DOCK4: variants seen among roughly 807,000 people sequenced by gnomAD.
DOCK4 encodes dedicator of cytokinesis 4.
Under a neutral mutation model 268.1 loss-of-function variants are expected in DOCK4, and 97 were observed. That is an observed-to-expected ratio of 0.36 (90% CI 0.31 to 0.43). DOCK4 has a LOEUF of 0.43. DOCK4 is among the 20% of genes least tolerant of loss of function. DOCK4 has a pLI of 1.00. For missense variants in DOCK4, 2,145 were observed against 2,455.7 expected, an observed-to-expected ratio of 0.87 and a Z score of 2.67; for synonymous variants, 954 against 887.2, an observed-to-expected ratio of 1.08 and a Z score of -1.34.
intron 4 of DOCK4, among the ~76,000 whole-genome samples, chr7:111,998,129 G>A (rs1800114764): frequency 6.6e-6 from 1 of 152,050 alleles, no homozygotes; most frequent in Admixed American, 6.6e-5. Context: ...GCATTTAATG[G>A]GTCTGACTGA....
intron 1 of DOCK4, among the ~76,000 whole-genome samples, chr7:112,185,365 G>A (rs965228696): frequency 6.6e-6 from 1 of 152,084 alleles, no homozygotes; most frequent in Non-Finnish European, 1.5e-5. Context: ...AAATAGCACT[G>A]GTCACTTAAT....
In DOCK4 at chr7:111,914,568, G is replaced by A. The variant is rs143837219; in HGVS notation, c.1192+1211C>T. ...TCAAACAAGCCACGATTCTATGGCT[G>A]CAGGACCACTGCCCTTATTGTTGCT... On this transcript the variant is annotated intron_variant, in intron 13 of 52. Coordinates refer to ENST00000428084, the MANE Select transcript of DOCK4 (RefSeq NM_001363540.2). Among the ~76,000 whole-genome samples the A allele has an allele frequency of 7.4e-3, 1,133 of 152,250 alleles. 5 individuals carry two copies. The highest frequency in any genetic ancestry group is 0.013 in the Admixed American group (196 of 15,288).
intron 1 of DOCK4, among the ~76,000 whole-genome samples, chr7:112,146,913 C>T (rs1335057906): frequency 6.6e-6 from 1 of 151,922 alleles, no homozygotes; most frequent in Admixed American, 6.6e-5. Context: ...CTAGGGAAAC[C>T]AGTAATGCAA....
At chr7:111,790,799 C>T (rs2133804767) in intron 30 of DOCK4, among the ~76,000 whole-genome samples, 194 bp from the exon 31 acceptor site, 1 of 152,042 alleles carries the variant, frequency 6.6e-6, no homozygotes, top group South Asian at 2.1e-4. Flanking sequence ...GTGGCTCACG[C>T]CTGTAATCCC....
intron 1 of DOCK4, among the ~76,000 whole-genome samples, chr7:112,188,693 G>T (rs1819667350): frequency 6.6e-6 from 1 of 152,154 alleles, no homozygotes; most frequent in Non-Finnish European, 1.5e-5. Context: ...AATCTAGGTA[G>T]TAACTTCAAA....
intron 30 of DOCK4, among the ~76,000 whole-genome samples, chr7:111,802,056 C>T (rs777613144): frequency 2.6e-5 from 4 of 152,032 alleles, no homozygotes; most frequent in Non-Finnish European, 4.4e-5. Context: ...CATAGCTCTC[C>T]CTATATTTTC....
chr7:111,935,023 T>G (rs1307513798), intron 12 of DOCK4, among the ~76,000 whole-genome samples: 1 of 151,542 alleles, frequency 6.6e-6, no homozygotes, highest in East Asian at 1.9e-4. Context: ...CTCAGCTCAC[T>G]GCAACATCCG....
chr7:111,868,333 C>G (rs1806141571), intron 21 of DOCK4, among the ~76,000 whole-genome samples, 179 bp from the exon 22 acceptor site: 1 of 152,070 alleles, frequency 6.6e-6, no homozygotes. Context: ...CCACTTTTCT[C>G]TGATGCCTAA....
chr7:112,079,614 A>G (rs1156640587), intron 1 of DOCK4, among the ~76,000 whole-genome samples: 2 of 152,202 alleles, frequency 1.3e-5, no homozygotes, highest in Non-Finnish European at 2.9e-5. Context: ...GAAATGGTAG[A>G]AGGAATTGGG....
intron 12 of DOCK4, among the ~76,000 whole-genome samples, chr7:111,916,843 T>C (rs1792628342): frequency 6.6e-6 from 1 of 152,064 alleles, no homozygotes; most frequent in Non-Finnish European, 1.5e-5. Context: ...TATTGTGGAA[T>C]AGGTGGTATT....
At chr7:112,042,203 C>T (rs1000028308) in intron 1 of DOCK4, among the ~76,000 whole-genome samples, 5 of 152,078 alleles carry the variant, frequency 3.3e-5, no homozygotes, top group African/African-American at 7.2e-5. Flanking sequence ...ATCTGCAAGG[C>T]GACAGAGTTA....
chr7:111,790,777 C>T (rs1245892174), intron 30 of DOCK4, among the ~76,000 whole-genome samples, 172 bp from the exon 31 acceptor site: 3 of 151,836 alleles, frequency 2.0e-5, no homozygotes, highest in East Asian at 1.9e-4. Flanking sequence ...TTATATAAAT[C>T]GGCTGGGTGC....
intron 42 of DOCK4, among the ~76,000 whole-genome samples, chr7:111,752,690 G>A (rs1300905510): frequency 1.4e-5 from 2 of 147,376 alleles, no homozygotes; most frequent in South Asian, 2.2e-4. Flanking sequence ...CGGTTCAAGC[G>A]ATTCTCCTGC....
Position 111,844,760 on chromosome 7 carries a change from T to C in DOCK4, c.2736+3A>G. 5 of 1,612,698 alleles carry C rather than the reference T, an allele frequency of 3.1e-6. No individual in the cohort carries two copies. The highest frequency in any genetic ancestry group is 4.2e-6 in the Non-Finnish European group (5 of 1,179,308). On this transcript the variant is annotated splice_donor_region_variant and intron_variant, in intron 25 of 52. Coordinates refer to ENST00000428084, the MANE Select transcript of DOCK4 (RefSeq NM_001363540.2). ...CCACGTGCCATCTGCTCTATGATCT[T>C]ACAGTGACATCCTGGAACTGGAACC...
intron 49 of DOCK4, 124 bp from the exon 50 acceptor site, chr7:111,737,113 G>A (rs948983081): frequency 1.5e-5 from 11 of 753,246 alleles, no homozygotes; most frequent in Middle Eastern, 2.9e-4. Flanking sequence ...GTGATATGAT[G>A]AGCCTAGGAA....
chr7:112,075,777 T>C (rs1285598692), intron 1 of DOCK4, among the ~76,000 whole-genome samples: 1 of 151,916 alleles, frequency 6.6e-6, no homozygotes, highest in Non-Finnish European at 1.5e-5. Flanking sequence ...ACTTTGTCCT[T>C]ATTTAAAAAA....
chr7:112,101,588 G>A (rs973261984), intron 1 of DOCK4, among the ~76,000 whole-genome samples: 2 of 152,146 alleles, frequency 1.3e-5, no homozygotes, highest in Non-Finnish European at 2.9e-5. Context: ...TCCACACAGT[G>A]AAGCCCCTCA....
intron 8 of DOCK4, 112 bp downstream of exon 8, chr7:111,977,020 T>C: frequency 7.9e-7 from 1 of 1,273,444 alleles, no homozygotes; most frequent in Non-Finnish European, 1.1e-6. Flanking sequence ...GTGAGAAAAT[T>C]GAAGCTGACG....
At chr7:112,134,536 G>C (rs1263366205) in intron 1 of DOCK4, among the ~76,000 whole-genome samples, 1 of 149,366 alleles carries the variant, frequency 6.7e-6, no homozygotes, top group Non-Finnish European at 1.5e-5. Context: ...GGGCTAACAT[G>C]GTGTAACGCC....
Sources: allele counts gnomAD v4.1 joint callset (sites outside exome capture counted in the v4.1 genomes callset), GRCh38; gene constraint gnomAD v4.1.1; transcripts MANE v1.5; gene names NCBI Gene and HGNC (gene_info 2026-07-23, HGNC 2026-07-21).